MTF1: variants seen among roughly 807,000 people sequenced by gnomAD.
The protein encoded by MTF1 is metal regulatory transcription factor 1, also known as MRE-binding transcription factor.
A neutral mutation model predicts 70.4 loss-of-function variants in MTF1; 22 were observed. The observed-to-expected ratio is 0.31, with a 90% confidence interval of 0.22 to 0.45. The LOEUF is 0.45. MTF1 is among the 20% of genes least tolerant of loss of function. The probability of loss-of-function intolerance (pLI) is 1.00; values close to 1 mark genes in which losing one functional copy is unlikely to be tolerated. For missense variants in MTF1, 649 were observed against 922.0 expected, an observed-to-expected ratio of 0.70 and a Z score of 3.83; for synonymous variants, 333 against 352.8, an observed-to-expected ratio of 0.94 and a Z score of 0.63.
Position 37,815,621 on chromosome 1 carries a change from G to C in MTF1, c.1832-55C>G. ...CAAGTAGCTGCAGGGGCAGGAGCAT[G>C]AGGGACAGGGATACATGGACTAGGT... On this transcript the variant is annotated intron_variant, in intron 10 of 10. Coordinates refer to ENST00000373036, the MANE Select transcript of MTF1 (RefSeq NM_005955.3). The surrounding 1 kb of genome is among the most constrained non-coding windows in gnomAD (Gnocchi z 4.5). 1 of 1,366,490 alleles carries C rather than the reference G, an allele frequency of 7.3e-7. No individual in the cohort carries two copies. Among genetic ancestry groups the C allele is most frequent in the Non-Finnish European group, 1.0e-6 (1 of 998,898 alleles). 84.6% of individuals were successfully genotyped at this position (1,366,490 alleles called of 1,614,324 possible).
At chr1:37,857,934 T>C (rs563517276) in intron 1 of MTF1, among the ~76,000 whole-genome samples, 5 of 150,824 alleles carry the variant, frequency 3.3e-5, no homozygotes, top group African/African-American at 1.2e-4. Context: ...CCCAACACTT[T>C]GGGAGGCTAA....
Position 37,809,826 on chromosome 1 carries a change from C to A in MTF1, c.*5310G>T, listed in dbSNP as rs1640674655. On this transcript the variant is annotated 3_prime_UTR_variant, in exon 11 of 11. Coordinates refer to ENST00000373036, the MANE Select transcript of MTF1 (RefSeq NM_005955.3). ...CGTTTTCACATCGCTCAGTGGAAGT[C>A]CGTTGTTCCCATGTTTCACACTTAC... The A allele has an allele frequency of 2.0e-5, 3 of 152,560 alleles. No individual in the cohort carries two copies. The highest frequency in any genetic ancestry group is 4.4e-5 in the Non-Finnish European group (3 of 68,042). The allele number at this position is 152,560 out of a possible 1,614,324, so 9.5% of individuals were successfully genotyped here.
chr1:37,833,798 G>A (rs1233476713), intron 6 of MTF1, among the ~76,000 whole-genome samples: 1 of 152,018 alleles, frequency 6.6e-6, no homozygotes, highest in African/African-American at 2.4e-5. Flanking sequence ...GTGAAGGAAA[G>A]AGGGTATCAA....
At chr1:37,818,156 A>G (rs576069132) in intron 9 of MTF1, among the ~76,000 whole-genome samples, 1 of 152,330 alleles carries the variant, frequency 6.6e-6, no homozygotes, top group South Asian at 2.1e-4. Flanking sequence ...TCCAAAACTC[A>G]TGTTGAAAGT....
chr1:37,814,891 G>A lies in MTF1; in HGVS notation c.*245C>T. The A allele has an allele frequency of 2.1e-6, 1 of 477,544 alleles. No individual in the cohort carries two copies. The highest frequency in any genetic ancestry group is 3.7e-6 in the Non-Finnish European group (1 of 267,796). The allele number at this position is 477,544 out of a possible 1,614,324, so 29.6% of individuals were successfully genotyped here. A position where few individuals can be genotyped will look rare whatever the true frequency, so the allele number is the denominator to read the frequency against. ...ACAACAAGCAAAAGTGACATACAGTGCAGCCAAACAGTTCACTTATAACTT... is the reference window on the plus strand; with the variant it reads ...ACAACAAGCAAAAGTGACATACAGTACAGCCAAACAGTTCACTTATAACTT... On this transcript the variant is annotated 3_prime_UTR_variant, in exon 11 of 11. Coordinates refer to ENST00000373036, the MANE Select transcript of MTF1 (RefSeq NM_005955.3).
chr1:37,846,133 A>C (rs1641329043), intron 2 of MTF1, among the ~76,000 whole-genome samples: 1 of 152,242 alleles, frequency 6.6e-6, no homozygotes, highest in African/African-American at 2.4e-5. Context: ...TATGTTCCAG[A>C]AATTATACTG....
At chr1:37,843,964 C>G (rs1641295566) in intron 2 of MTF1, among the ~76,000 whole-genome samples, 1 of 147,556 alleles carries the variant, frequency 6.8e-6, no homozygotes, top group Non-Finnish European at 1.5e-5. Context: ...TTTCCACTGC[C>G]ACACAGAAGA....
rs79612329 is a variant in MTF1, at chr1:37,839,683, C to T, written c.647+237G>A. On this transcript the variant is annotated intron_variant, in intron 3 of 10. Transcript: ENST00000373036. The stretch of plus-strand genomic sequence containing the variant: ...GCAAATCTAAACAGAAATGTACTGT[C>T]GCTTCTAACCAGCCCAAGATACGTC... Among the ~76,000 whole-genome samples, 22 of 152,330 alleles carry T rather than the reference C, an allele frequency of 1.4e-4. No individual in the cohort carries two copies. In the East Asian group the frequency reaches 3.9e-3, roughly 27 times the overall value.
At chr1:37,817,389 T>G (rs202180638) in intron 10 of MTF1, 30 bp downstream of exon 10, 1 of 1,478,536 alleles carries the variant, frequency 6.8e-7, no homozygotes, top group African/African-American at 1.4e-5. Flanking sequence ...CAGAGTTGCC[T>G]TCTCTTAAGG....
chr1:37,812,734 G>A lies in MTF1; in HGVS notation c.*2402C>T, dbSNP rs754958150. 4 of 152,182 alleles carry A rather than the reference G, an allele frequency of 2.6e-5. No homozygotes were observed. Among genetic ancestry groups the A allele is most frequent in the Non-Finnish European group, 5.9e-5 (4 of 68,034 alleles). The allele number at this position is 152,182 out of a possible 1,614,324, so 9.4% of individuals were successfully genotyped here. A position where few individuals can be genotyped will look rare whatever the true frequency, so the allele number is the denominator to read the frequency against. Reference sequence around the variant, plus strand: ...GACCACAGGATGGGGATATGGGAAGGTCATTACTGCCCTCTGATACAAGCT... The same window carrying A: ...GACCACAGGATGGGGATATGGGAAGATCATTACTGCCCTCTGATACAAGCT... On this transcript the variant is annotated 3_prime_UTR_variant, in exon 11 of 11. Transcript: ENST00000373036.
At chr1:37,831,658 C>T (rs992923982) in intron 7 of MTF1, among the ~76,000 whole-genome samples, 5 of 152,084 alleles carry the variant, frequency 3.3e-5, no homozygotes, top group Non-Finnish European at 5.9e-5. Flanking sequence ...CAGCTTGAAT[C>T]AAAGCAATCA....
intron 9 of MTF1, among the ~76,000 whole-genome samples, chr1:37,820,885 A>G (rs1388206673): frequency 2.0e-5 from 3 of 152,142 alleles, no homozygotes; most frequent in Non-Finnish European, 2.9e-5. Flanking sequence ...AACAATAATA[A>G]TAATAGGGGA....
chr1:37,835,817 T>TGAGA, intron 4 of MTF1, 73 bp from the exon 5 acceptor site: 3 of 1,320,382 alleles, frequency 2.3e-6, no homozygotes, highest in Non-Finnish European at 3.3e-6. Context: ...TTTTTTTTTT[T>TGAGA]TGAGATCGAG....
intron 1 of MTF1, among the ~76,000 whole-genome samples, 196 bp from the exon 2 acceptor site, chr1:37,857,905 G>A (rs919290722): frequency 6.6e-6 from 1 of 151,830 alleles, no homozygotes; most frequent in African/African-American, 2.4e-5. Context: ...GACTGGGCGT[G>A]GTGGCTCACA....
At chr1:37,838,793 A>ATTTTTTTTT in intron 3 of MTF1, 37 bp from the exon 4 acceptor site, 1 of 556,446 alleles carries the variant, frequency 1.8e-6, no homozygotes, top group Non-Finnish European at 2.7e-6. Context: ...TTTGTCATAA[A>ATTTTTTTTT]ATTCTTTTTT....
chr1:37,836,678 C>T (rs933604059), intron 4 of MTF1, among the ~76,000 whole-genome samples: 1 of 152,136 alleles, frequency 6.6e-6, no homozygotes, highest in African/African-American at 2.4e-5. Context: ...AGTACAGGAT[C>T]CACGTAGCTC....
At chr1:37,816,040 G>A (rs1357024381) in intron 10 of MTF1, among the ~76,000 whole-genome samples, 1 of 152,142 alleles carries the variant, frequency 6.6e-6, no homozygotes, top group East Asian at 1.9e-4. Context: ...CCGGTACCCA[G>A]CCTCCCGGCA....
At chr1:37,822,034 C>A in intron 9 of MTF1, 87 bp downstream of exon 9, 1 of 1,106,584 alleles carries the variant, frequency 9.0e-7, no homozygotes, top group South Asian at 1.7e-5. Flanking sequence ...ATGACAGCCA[C>A]TTTTCTTTTT....
In MTF1 at chr1:37,857,451, G is replaced by A. The variant is rs1159695103; in HGVS notation, c.208C>T (p.His70Tyr). The A allele has an allele frequency of 1.9e-6, 3 of 1,614,044 alleles. No homozygotes were observed. Among genetic ancestry groups the A allele is most frequent in the Non-Finnish European group, 2.5e-6 (3 of 1,180,040 alleles). ...TCACCCCCTACTAGAAAAGGCAAGTGTTCTCCGCACTGTCCGTCGTCATCT... is the reference window on the plus strand; with the variant it reads ...TCACCCCCTACTAGAAAAGGCAAGTATTCTCCGCACTGTCCGTCGTCATCT... The part of the protein sequence containing the change: ...DEDDDGQCGE[H>Y]LPFLVGGEEG... The change falls in exon 2 of 11, where the codon CAC (histidine) becomes TAC (tyrosine). Residue 70 changes from histidine to tyrosine, a missense_variant. By Grantham distance (83) the His-to-Tyr change is moderately conservative. This residue lies in a region of MTF1 where 44 missense variants were observed against 38.1 expected (regional missense o/e 1.15). Transcript: ENST00000373036.
Sources: gnomAD v4.1 joint callset for allele counts (sites outside exome capture counted in the v4.1 genomes callset) on GRCh38, gnomAD v4.1.1 for gene constraint, gnomAD v4.1.1 regional missense constraint, Gnocchi (gnomAD v3.1) non-coding constraint, MANE v1.5 for transcripts, NCBI Gene and HGNC (gene_info 2026-07-23, HGNC 2026-07-21) for gene names.